The following PKD2L2 variants were observed in gnomAD, a reference collection of about 807,000 sequenced individuals.
PKD2L2 encodes polycystin-2-like protein 2.
Under a neutral mutation model 83.9 loss-of-function variants are expected in PKD2L2, and 67 were observed. That is an observed-to-expected ratio of 0.80 (90% CI 0.66 to 0.98). PKD2L2 has a LOEUF of 0.98. Ranked by LOEUF, PKD2L2 falls within the 50% of genes least tolerant of loss-of-function variation. The pLI, the probability that PKD2L2 is intolerant of heterozygous loss-of-function variation, is 0.00. For synonymous variants in PKD2L2, 223 were observed against 237.8 expected (o/e 0.94, Z 0.57); for missense variants, 632 against 717.2 (o/e 0.88, Z 1.36).
At position 137,907,859 on chromosome 5, in the gene PKD2L2, C is replaced by T; in HGVS notation, c.1093C>T (p.His365Tyr). Residue 365 changes from histidine (H) to tyrosine (Y), a missense_variant, in exon 7 of 15, where the codon CAC (histidine) becomes TAC (tyrosine). Around this residue, in one of 3 missense-constraint regions of PKD2L2, gnomAD observed 399 missense variants for 416.9 expected, o/e 0.96. Coordinates refer to ENST00000508883, the MANE Select transcript of PKD2L2 (RefSeq NM_001300921.2). ...YSDFYFLACW[H>Y]IYYNNIIAIT... ...AGATTTCTATTTTCTTGCATGCTGGCACATTTATTACAATAATATAATTGC... is the reference window on the plus strand; with the variant it reads ...AGATTTCTATTTTCTTGCATGCTGGTACATTTATTACAATAATATAATTGC... The T allele has an allele frequency of 6.6e-7, 1 of 1,521,254 alleles. No individual in the cohort carries two copies. The highest frequency in any genetic ancestry group is 9.1e-7 in the Non-Finnish European group (1 of 1,102,688). The allele number at this position is 1,521,254 out of a possible 1,614,324, so 94.2% of individuals were successfully genotyped here.
chr5:137,895,676 G>C (rs574983568), intron 4 of PKD2L2, among the ~76,000 whole-genome samples: 1 of 151,952 alleles, frequency 6.6e-6, no homozygotes, highest in Admixed American at 6.5e-5. Flanking sequence ...TCAGGAGTTT[G>C]AGACAAGACT....
intron 3 of PKD2L2, among the ~76,000 whole-genome samples, chr5:137,893,834 T>G (rs1374064484): frequency 6.6e-6 from 1 of 152,186 alleles, no homozygotes. Context: ...GGAGGTCACC[T>G]TGCCACTTTG....
intron 8 of PKD2L2, among the ~76,000 whole-genome samples, chr5:137,918,934 G>A (rs1040967195): frequency 6.6e-5 from 10 of 150,504 alleles, no homozygotes; most frequent in Non-Finnish European, 8.9e-5. Context: ...CAAGGTCCAG[G>A]GCCTGCACAA....
chr5:137,941,865 C>G, intron 14 of PKD2L2: 2 of 1,183,412 alleles, frequency 1.7e-6, no homozygotes, highest in South Asian at 2.6e-5. Context: ...TCTAATCCCA[C>G]GTATTCCATT....
intron 5 of PKD2L2, among the ~76,000 whole-genome samples, chr5:137,904,306 A>C (rs556756105): frequency 6.6e-6 from 1 of 152,330 alleles, no homozygotes; most frequent in East Asian, 1.9e-4. Context: ...TGGGGATTTA[A>C]TCAGCTTCCA....
At chr5:137,930,492 A>G (rs1328607127) in intron 12 of PKD2L2, among the ~76,000 whole-genome samples, 4 of 151,842 alleles carry the variant, frequency 2.6e-5, no homozygotes, top group Admixed American at 6.6e-5. Context: ...CCAACATGGT[A>G]AAACCCCATC....
chr5:137,917,162 CTTTT>C (rs34636933), intron 8 of PKD2L2, among the ~76,000 whole-genome samples: 4 of 127,206 alleles, frequency 3.1e-5, no homozygotes, highest in Admixed American at 8.7e-5. Flanking sequence ...GTTCACTTTT[CTTTT>C]TTTTTTTTTT....
chr5:137,897,790 C>T (rs1448799016), intron 4 of PKD2L2, among the ~76,000 whole-genome samples: 1 of 152,096 alleles, frequency 6.6e-6, no homozygotes, highest in East Asian at 1.9e-4. Flanking sequence ...GTGTCTCTTT[C>T]CCTCCCTGCT....
chr5:137,915,943 G>C (rs989633852), intron 8 of PKD2L2, among the ~76,000 whole-genome samples: 5 of 151,986 alleles, frequency 3.3e-5, no homozygotes, highest in African/African-American at 9.7e-5. Flanking sequence ...TTGTAGGATA[G>C]ATCTAGTGAT....
At chr5:137,922,102 C>G (rs893047020) in intron 9 of PKD2L2, among the ~76,000 whole-genome samples, 4 of 152,250 alleles carry the variant, frequency 2.6e-5, no homozygotes, top group African/African-American at 9.6e-5. Context: ...TTGGCCCTTA[C>G]AGCTAAACAC....
intron 14 of PKD2L2, among the ~76,000 whole-genome samples, chr5:137,937,249 C>G (rs1436723927): frequency 6.6e-6 from 1 of 152,198 alleles, no homozygotes; most frequent in Non-Finnish European, 1.5e-5. Context: ...AAGTGTAGAA[C>G]AAACTCCCCA....
intron 5 of PKD2L2, among the ~76,000 whole-genome samples, chr5:137,903,578 G>A (rs1038239416): frequency 1.3e-5 from 2 of 152,206 alleles, no homozygotes; most frequent in Non-Finnish European, 2.9e-5. Context: ...GGAAATTATC[G>A]AGACTAAATG....
At chr5:137,916,910 G>A (rs748982838) in intron 8 of PKD2L2, among the ~76,000 whole-genome samples, 1 of 152,072 alleles carries the variant, frequency 6.6e-6, no homozygotes, top group Non-Finnish European at 1.5e-5. Flanking sequence ...AAGATTCTCT[G>A]TCTTTGGCTT....
At chr5:137,924,933 T>C in intron 10 of PKD2L2, 107 bp from the exon 11 acceptor site, 1 of 703,672 alleles carries the variant, frequency 1.4e-6, no homozygotes, top group Admixed American at 2.3e-5. Flanking sequence ...TCCTTTAGGG[T>C]AGCAATCCAG....
At chr5:137,928,756 G>T (rs1407394344) in intron 12 of PKD2L2, among the ~76,000 whole-genome samples, 6 of 152,162 alleles carry the variant, frequency 3.9e-5, no homozygotes, top group South Asian at 2.1e-4. Context: ...ATTACATAGT[G>T]ATGGCATCTC....
At position 137,894,480 on chromosome 5, in the gene PKD2L2, G is replaced by A. The variant is rs757704431; in HGVS notation, c.395G>A (p.Arg132His). 12 of 1,613,810 alleles carry A rather than the reference G, an allele frequency of 7.4e-6. No individual in the cohort carries two copies. The highest frequency in any genetic ancestry group is 4.5e-5 in the East Asian group (2 of 44,884). The part of the protein sequence containing the change: ...ENILLGVPRV[R>H]QLKVRNNTCK... ...ATACTTCTAGGAGTTCCCAGAGTTC[G>A]TCAACTAAAAGTCCGCAACAACACA... The change falls in exon 4 of 15, where the codon CGT becomes CAT. Residue 132 changes from arginine to histidine, a missense_variant. Coordinates refer to ENST00000508883, the MANE Select transcript of PKD2L2 (RefSeq NM_001300921.2).
intron 8 of PKD2L2, among the ~76,000 whole-genome samples, chr5:137,911,016 CA>C (rs1345521632): frequency 1.3e-5 from 2 of 152,108 alleles, no homozygotes; most frequent in Non-Finnish European, 2.9e-5. Context: ...GTGTACAGTT[CA>C]GTGATATTAA....
chr5:137,898,397 T>C (rs1756662324), intron 4 of PKD2L2, among the ~76,000 whole-genome samples: 1 of 152,246 alleles, frequency 6.6e-6, no homozygotes, highest in African/African-American at 2.4e-5. Flanking sequence ...AGACAGATTA[T>C]GAAGCATGTT....
In PKD2L2 at chr5:137,925,091, GAAGAC is replaced by G. The variant is rs1315319416; in HGVS notation, c.1608_1612del (p.Asp536GlufsTer10). The stretch of plus-strand genomic sequence containing the variant: ...CAGACTGAAGAAAGCTCAAAAAGAT[GAAGAC>G]AAGAAAACGTAAGATGACTTCTCTC... On this transcript the variant is annotated frameshift_variant, in exon 11 of 15. Transcript: ENST00000508883. LOFTEE classifies it high-confidence loss of function. 1 of 1,598,298 alleles carries G rather than the reference GAAGAC, an allele frequency of 6.3e-7. No homozygotes were observed. The highest frequency in any genetic ancestry group is 8.6e-7 in the Non-Finnish European group (1 of 1,166,030).
Sources: gnomAD v4.1 joint callset for allele counts (sites outside exome capture counted in the v4.1 genomes callset) on GRCh38, gnomAD v4.1.1 for gene constraint, gnomAD v4.1.1 regional missense constraint, MANE v1.5 for transcripts, NCBI Gene and HGNC (gene_info 2026-07-23, HGNC 2026-07-21) for gene names.